The following LOXHD1 variants were observed in gnomAD, a reference collection of about 807,000 sequenced individuals.
LOXHD1 encodes lipoxygenase homology domain-containing protein 1.
A neutral mutation model predicts 248.2 loss-of-function variants in LOXHD1; 205 were observed. That is an observed-to-expected ratio of 0.83 (90% CI 0.74 to 0.93). LOXHD1 has a LOEUF of 0.93. LOXHD1 is among the 40% of genes least tolerant of loss of function. The probability of loss-of-function intolerance (pLI) is 0.00; values close to 1 mark genes in which losing one functional copy is unlikely to be tolerated. For synonymous variants in LOXHD1, 1,113 were observed against 1,162.8 expected (o/e 0.96, Z 0.87); for missense variants, 2,930 against 2,971.6 (o/e 0.99, Z 0.33).
At chr18:46,611,970 C>T (rs1310076134) in intron 5 of LOXHD1, among the ~76,000 whole-genome samples, 1 of 152,100 alleles carries the variant, frequency 6.6e-6, no homozygotes, top group Non-Finnish European at 1.5e-5. Context: ...GAGGTGGTTG[C>T]TATTGTTCCT....
At position 46,579,494 on chromosome 18, in the gene LOXHD1, T is replaced by C. The variant is rs1176149898; in HGVS notation, c.1809+136A>G. 5 of 1,188,334 alleles carry C rather than the reference T, an allele frequency of 4.2e-6. No homozygotes were observed. The East Asian group carries it at 1.3e-4, about 31-fold the overall frequency. 73.6% of individuals were successfully genotyped at this position (1,188,334 alleles called of 1,614,324 possible). A position where few individuals can be genotyped will look rare whatever the true frequency, so the allele number is the denominator to read the frequency against. ...GGGATTCCCCAGTTCCCCGCCCCCTTACCCAGAGTGAGGCTCCTGATGGCT... is the reference window on the plus strand; with the variant it reads ...GGGATTCCCCAGTTCCCCGCCCCCTCACCCAGAGTGAGGCTCCTGATGGCT... On this transcript the variant is annotated intron_variant, in intron 13 of 40. Transcript: ENST00000642948.
intron 4 of LOXHD1, among the ~76,000 whole-genome samples, chr18:46,629,009 G>A (rs964415913): frequency 9.2e-5 from 14 of 152,158 alleles, no homozygotes; most frequent in Non-Finnish European, 7.4e-5. Flanking sequence ...ATGGGGAGAT[G>A]AAATAGGGCA....
At chr18:46,527,727 A>G (rs1265121607) in intron 29 of LOXHD1, among the ~76,000 whole-genome samples, 2 of 152,218 alleles carry the variant, frequency 1.3e-5, no homozygotes, top group African/African-American at 2.4e-5. Flanking sequence ...CCTACTTTAT[A>G]AGGGCAATGA....
At chr18:46,484,815 A>T (rs2143550571) in intron 39 of LOXHD1, among the ~76,000 whole-genome samples, 1 of 152,268 alleles carries the variant, frequency 6.6e-6, no homozygotes, top group South Asian at 2.1e-4. Flanking sequence ...GGCTCCCATT[A>T]AATGCAGTCC....
intron 4 of LOXHD1, among the ~76,000 whole-genome samples, chr18:46,628,813 A>G (rs2038780906): frequency 6.6e-6 from 1 of 152,228 alleles, no homozygotes; most frequent in Non-Finnish European, 1.5e-5. Flanking sequence ...TCATTTCCCC[A>G]GCTAATCTTA....
In LOXHD1 at chr18:46,533,191, AC is replaced by A. The variant is rs1165494330; in HGVS notation, c.4345del (p.Val1449SerfsTer5). The A allele has an allele frequency of 6.4e-7, 1 of 1,551,616 alleles. No homozygotes were observed. The highest frequency in any genetic ancestry group is 1.4e-5 in the African/African-American group (1 of 73,048). ...CAGAGGCTCTTCTACTTCCTTGTAG[AC>A]TTGCCGTAAGGACCCATCTTTCATG... is the stretch of plus-strand genomic sequence containing the variant. Reference protein sequence around the residue: ...KYMKDGSLRQVYKEVEEPLDI... With the variant: ...KYMKDGSLRQXYKEVEEPLDI... On this transcript the variant is annotated frameshift_variant, in exon 28 of 41. Coordinates refer to ENST00000642948, the MANE Select transcript of LOXHD1 (RefSeq NM_001384474.1). LOFTEE classifies it high-confidence loss of function.
At chr18:46,502,889 A>T (rs1436951795) in intron 37 of LOXHD1, among the ~76,000 whole-genome samples, 1 of 152,190 alleles carries the variant, frequency 6.6e-6, no homozygotes, top group African/African-American at 2.4e-5. Context: ...AGTGAGTCTT[A>T]GAGGAAGGGC....
At chr18:46,559,284 C>A (rs2037457206) in intron 20 of LOXHD1, 164 bp downstream of exon 20, 1 of 1,538,354 alleles carries the variant, frequency 6.5e-7, no homozygotes, top group Non-Finnish European at 8.7e-7. Flanking sequence ...AACCCCTCCA[C>A]AAAGTATCAG....
chr18:46,604,655 A>G (rs16939736), intron 6 of LOXHD1, among the ~76,000 whole-genome samples: 3,602 of 152,312 alleles, frequency 0.024, 135 homozygotes, highest in East Asian at 0.073. Context: ...GGGGAACTGC[A>G]AGCCCCACAT....
intron 12 of LOXHD1, among the ~76,000 whole-genome samples, chr18:46,587,100 C>T (rs1281074012): frequency 1.3e-5 from 2 of 152,294 alleles, no homozygotes; most frequent in Non-Finnish European, 2.9e-5. Context: ...AATATTGTCT[C>T]CTCATAGGGC....
At position 46,604,233 on chromosome 18, in the gene LOXHD1, G is replaced by C. The variant is rs990469054; in HGVS notation, c.760-4C>G. 2.6e-6 allele frequency: 4 copies of C among 1,551,572 alleles called. No homozygotes were observed. Among genetic ancestry groups the C allele is most frequent in the Non-Finnish European group, 2.6e-6 (3 of 1,146,978 alleles). ...TCCCAATATCTTCAATGACTATCTG[G>C]GAAGGAGAAGAGGGGACAAGGATGT... is the stretch of plus-strand genomic sequence containing the variant. On this transcript the variant is annotated splice_region_variant and splice_polypyrimidine_tract_variant and intron_variant, in intron 6 of 40. Transcript: ENST00000642948.
intron 33 of LOXHD1, chr18:46,520,329 A>G (rs1714448167): frequency 4.2e-6 from 2 of 470,986 alleles, no homozygotes; most frequent in Admixed American, 2.3e-5. Context: ...CTGGTCCAAG[A>G]AGCCCATTGG....
chr18:46,584,242 A>G (rs931232920), intron 12 of LOXHD1, among the ~76,000 whole-genome samples: 1 of 152,066 alleles, frequency 6.6e-6, no homozygotes, highest in Non-Finnish European at 1.5e-5. Context: ...AGGGGGGAGG[A>G]GAGGATGGGG....
rs576525206 is a variant in LOXHD1, at chr18:46,539,844, T to G, written c.3914-1507A>C. 7.2e-5 allele frequency among the ~76,000 whole-genome samples: 11 copies of G among 152,302 alleles called. No individual in the cohort carries two copies. The East Asian group carries it at 1.7e-3, about 24-fold the overall frequency. ...TGAAAACCCAGAGAAACAGTTCAAG[T>G]GGATGTCTACTCTATCCTGTAGTCT... On this transcript the variant is annotated intron_variant, in intron 25 of 40. Coordinates refer to ENST00000642948, the MANE Select transcript of LOXHD1 (RefSeq NM_001384474.1).
chr18:46,601,292 G>A lies in LOXHD1; in HGVS notation c.1059C>T (p.Val353=), dbSNP rs2038333352. The A allele has an allele frequency of 6.4e-7, 1 of 1,551,692 alleles. No homozygotes were observed. The highest frequency in any genetic ancestry group is 1.4e-5 in the African/African-American group (1 of 73,140). ...RTDIFHIELA[V]LLSPLSRVSV... ...AGACCCGACTCAGGGGGCTAAGGAG[G>A]ACAGCCAGCTCGATGTGGAAGATGT... The change falls in exon 8 of 41, where the codon GTC becomes GTT. Residue 353 remains valine (V), a synonymous_variant. Coordinates refer to ENST00000642948, the MANE Select transcript of LOXHD1 (RefSeq NM_001384474.1).
At chr18:46,508,751 G>A (rs778165052) in intron 35 of LOXHD1, among the ~76,000 whole-genome samples, 4 of 152,234 alleles carry the variant, frequency 2.6e-5, no homozygotes, top group Non-Finnish European at 5.9e-5. Flanking sequence ...TTGCCTTTAT[G>A]AGTCTGGTGC....
intron 1 of LOXHD1, among the ~76,000 whole-genome samples, chr18:46,649,742 G>T (rs2039083900): frequency 6.6e-6 from 1 of 152,146 alleles, no homozygotes; most frequent in South Asian, 2.1e-4. Context: ...TCCCAGGGCT[G>T]GGTGTGCAGA....
chr18:46,594,425 G>C lies in LOXHD1; in HGVS notation c.1176C>G (p.Phe392Leu), dbSNP rs552294998. The change falls in exon 9 of 41, where the codon TTC (phenylalanine) becomes TTG (leucine). Residue 392 changes from phenylalanine to leucine, a missense_variant. Physicochemically the swap from Phe to Leu is conservative, Grantham distance 22. Coordinates refer to ENST00000642948, the MANE Select transcript of LOXHD1 (RefSeq NM_001384474.1). ...TCTCATCCAGCCAGTTGCTACAAGG[G>C]AAGGTCTGCTGGATACCAGTGAAGG... The part of the protein sequence containing the change: ...LCPFTGIQQT[F>L]PCSNWLDEKK... The C allele has an allele frequency of 1.3e-6, 2 of 1,551,640 alleles. No homozygotes were observed. The highest frequency in any genetic ancestry group is 1.4e-5 in the African/African-American group (1 of 73,146).
At chr18:46,571,710 A>G (rs1467873292) in intron 15 of LOXHD1, among the ~76,000 whole-genome samples, 2 of 152,248 alleles carry the variant, frequency 1.3e-5, no homozygotes, top group Non-Finnish European at 2.9e-5. Flanking sequence ...GTCACCAGTA[A>G]GGAAAACTCT....
Sources: gnomAD v4.1 joint callset for allele counts (sites outside exome capture counted in the v4.1 genomes callset) on GRCh38, gnomAD v4.1.1 for gene constraint, MANE v1.5 for transcripts, NCBI Gene and HGNC (gene_info 2026-07-23, HGNC 2026-07-21) for gene names.